The following LUZP2 variants were observed in gnomAD, a reference collection of about 807,000 sequenced individuals.
LUZP2 encodes the protein leucine zipper protein 2.
In LUZP2, 52 loss-of-function variants were observed where a neutral mutation model predicts 51.6. That is an observed-to-expected ratio of 1.01 (90% CI 0.81 to 1.27). The LOEUF is 1.27. Ranked by LOEUF, LUZP2 falls within the 50% of genes most tolerant of loss-of-function variation. The probability of loss-of-function intolerance (pLI) is 0.00; values close to 1 mark genes in which losing one functional copy is unlikely to be tolerated. For missense variants in LUZP2, 436 were observed against 395.4 expected (o/e 1.10, Z -0.87); for synonymous variants, 154 against 137.3 (o/e 1.12, Z -0.85).
intron 4 of LUZP2, among the ~76,000 whole-genome samples, chr11:24,759,907 G>C (rs1463353373): frequency 1.3e-5 from 2 of 152,128 alleles, no homozygotes; most frequent in African/African-American, 4.8e-5. Context: ...AGCCTCATGA[G>C]GGTCTGAGAA....
intron 5 of LUZP2, among the ~76,000 whole-genome samples, chr11:24,847,074 C>G (rs893936455): frequency 1.3e-5 from 2 of 151,636 alleles, no homozygotes; most frequent in Non-Finnish European, 1.5e-5. Context: ...ATTATTACTT[C>G]TTTTTCTCAG....
chr11:24,565,554 G>A (rs1403970215), intron 1 of LUZP2, among the ~76,000 whole-genome samples: 3 of 152,106 alleles, frequency 2.0e-5, no homozygotes, highest in African/African-American at 4.8e-5. Context: ...TAAAATAAAG[G>A]AAATAGAAAG....
chr11:24,546,113 A>G (rs1242518709), intron 1 of LUZP2, among the ~76,000 whole-genome samples: 2 of 151,918 alleles, frequency 1.3e-5, no homozygotes, highest in Non-Finnish European at 2.9e-5. Flanking sequence ...GAATGTTATG[A>G]TTTTTGTACA....
chr11:24,923,377 C>A (rs1299405220), intron 7 of LUZP2, among the ~76,000 whole-genome samples: 1 of 151,998 alleles, frequency 6.6e-6, no homozygotes, highest in African/African-American at 2.4e-5. Flanking sequence ...AACTGCCTCC[C>A]ATTTTGTCTT....
intron 4 of LUZP2, among the ~76,000 whole-genome samples, chr11:24,739,662 C>A (rs1859064031): frequency 6.6e-6 from 1 of 152,052 alleles, no homozygotes; most frequent in Non-Finnish European, 1.5e-5. Flanking sequence ...AGTCAGCCTG[C>A]CTTTCTTTTA....
intron 9 of LUZP2, among the ~76,000 whole-genome samples, chr11:25,000,509 T>C (rs796140563): frequency 5.9e-5 from 9 of 152,268 alleles, no homozygotes; most frequent in African/African-American, 2.2e-4. Flanking sequence ...AGACCACCTG[T>C]AGCTTGATGC....
intron 10 of LUZP2, among the ~76,000 whole-genome samples, chr11:25,075,911 C>A (rs1004138987): frequency 9.2e-5 from 14 of 152,040 alleles, no homozygotes; most frequent in African/African-American, 3.4e-4. Context: ...GTCAACTTAG[C>A]TCTCTATCCC....
chr11:24,605,360 C>T (rs1853880596), intron 1 of LUZP2, among the ~76,000 whole-genome samples: 1 of 151,630 alleles, frequency 6.6e-6, no homozygotes, highest in African/African-American at 2.4e-5. Flanking sequence ...AACTTTATTA[C>T]ATAAAACTTT....
intron 1 of LUZP2, among the ~76,000 whole-genome samples, chr11:24,715,419 T>C (rs1858006205): frequency 6.6e-6 from 1 of 152,208 alleles, no homozygotes; most frequent in African/African-American, 2.4e-5. Flanking sequence ...GTTTTGATAA[T>C]TTGAACCTCA....
intron 1 of LUZP2, among the ~76,000 whole-genome samples, chr11:24,573,754 G>C (rs1438642244): frequency 1.4e-5 from 2 of 146,788 alleles, no homozygotes; most frequent in African/African-American, 4.9e-5. Context: ...TATTCCCAAG[G>C]ATACATATTC....
At chr11:24,830,553 C>G (rs1327500845) in intron 5 of LUZP2, among the ~76,000 whole-genome samples, 1 of 151,948 alleles carries the variant, frequency 6.6e-6, no homozygotes. Context: ...GGATAGAAAG[C>G]CTATTAAATG....
At chr11:24,907,736 A>T (rs900199644) in intron 6 of LUZP2, among the ~76,000 whole-genome samples, 3 of 152,176 alleles carry the variant, frequency 2.0e-5, no homozygotes, top group Non-Finnish European at 4.4e-5. Flanking sequence ...CCTATGAGAA[A>T]TATCTGTGGT....
At chr11:24,778,891 A>G (rs545307629) in intron 5 of LUZP2, among the ~76,000 whole-genome samples, 4 of 152,338 alleles carry the variant, frequency 2.6e-5, no homozygotes, top group African/African-American at 9.6e-5. Flanking sequence ...ACAATAGCAC[A>G]CCAACTGATA....
intron 5 of LUZP2, among the ~76,000 whole-genome samples, chr11:24,879,318 T>C (rs1008118121): frequency 6.6e-6 from 1 of 152,168 alleles, no homozygotes; most frequent in Non-Finnish European, 1.5e-5. Context: ...CAGTCTATCA[T>C]TGATTGGCAT....
intron 1 of LUZP2, among the ~76,000 whole-genome samples, chr11:24,630,242 G>A (rs1228942382): frequency 2.0e-5 from 3 of 151,826 alleles, no homozygotes; most frequent in African/African-American, 7.2e-5. Flanking sequence ...TGCTTTTCAG[G>A]TCTTAGTCAT....
At chr11:24,902,574 A>G (rs755353902) in intron 5 of LUZP2, among the ~76,000 whole-genome samples, 3 of 152,102 alleles carry the variant, frequency 2.0e-5, no homozygotes, top group East Asian at 1.9e-4. Flanking sequence ...ACTGCTTGCT[A>G]CTCTATAAAC....
At chr11:24,785,243 T>A (rs1849210193) in intron 5 of LUZP2, among the ~76,000 whole-genome samples, 1 of 152,090 alleles carries the variant, frequency 6.6e-6, no homozygotes, top group Non-Finnish European at 1.5e-5. Context: ...TTTTTACTAA[T>A]GAGGCTGTCT....
chr11:24,916,005 TA>T (rs1450327178), intron 7 of LUZP2, among the ~76,000 whole-genome samples: 20 of 152,132 alleles, frequency 1.3e-4, no homozygotes, highest in African/African-American at 4.1e-4. Flanking sequence ...TTTATTTATT[TA>T]TTTTTTTTAG....
chr11:24,593,264 G>A (rs1270618603), intron 1 of LUZP2, among the ~76,000 whole-genome samples: 1 of 152,072 alleles, frequency 6.6e-6, no homozygotes, highest in Non-Finnish European at 1.5e-5. Context: ...CATTATAAAT[G>A]TAAATTTTGA....
Sources: gnomAD v4.1 joint callset for allele counts (sites outside exome capture counted in the v4.1 genomes callset) on GRCh38, gnomAD v4.1.1 for gene constraint, MANE v1.5 for transcripts, NCBI Gene and HGNC (gene_info 2026-07-23, HGNC 2026-07-21) for gene names.